MAP3K7CL: variants seen among roughly 807,000 people sequenced by gnomAD.
MAP3K7CL encodes the protein MAP3K7 C-terminal-like protein.
In MAP3K7CL, 16 loss-of-function variants were observed where a neutral mutation model predicts 18.6. The ratio of observed to expected loss-of-function variants is 0.86; its 90% CI spans 0.58 to 1.31. MAP3K7CL has a LOEUF of 1.31. Ranked by LOEUF, MAP3K7CL falls within the 50% of genes most tolerant of loss-of-function variation. The probability of loss-of-function intolerance (pLI) is 0.00; values close to 1 mark genes in which losing one functional copy is unlikely to be tolerated. For missense variants in MAP3K7CL, 163 were observed against 174.4 expected (o/e 0.93, Z 0.37); for synonymous variants, 65 against 66.8 (o/e 0.97, Z 0.13).
chr21:29,165,470 T>C (rs2146746874), intron 4 of MAP3K7CL, among the ~76,000 whole-genome samples: 1 of 152,354 alleles, frequency 6.6e-6, no homozygotes, highest in Admixed American at 6.5e-5. Context: ...GTATATTCTT[T>C]TATTCCTCAC....
At position 29,114,778 on chromosome 21, in the gene MAP3K7CL, G is replaced by A. The variant is rs147449092; in HGVS notation, c.370+22197G>A. Among the ~76,000 whole-genome samples, 808 of 152,318 alleles carry A rather than the reference G, an allele frequency of 5.3e-3. 7 individuals are homozygous for A. The highest frequency in any genetic ancestry group is 0.019 in the African/African-American group (771 of 41,562). Reference sequence around the variant, plus strand: ...ATAATAAACTCTCAGAGACTGTAGGGTGTAGACCAGGCCCTGGATTAATGG... The same window carrying A: ...ATAATAAACTCTCAGAGACTGTAGGATGTAGACCAGGCCCTGGATTAATGG... On this transcript the variant is annotated intron_variant, in intron 4 of 6. Coordinates refer to the MAP3K7CL transcript ENST00000286791.
At position 29,130,818 on chromosome 21, in the gene MAP3K7CL, A is replaced by G; in HGVS notation, c.-145A>G. ...AGATTGTCAGTGGCTGCTATGCAGCAGGTGCAGCCTGGTCTCTCACTGAGT... is the reference window on the plus strand; with the variant it reads ...AGATTGTCAGTGGCTGCTATGCAGCGGGTGCAGCCTGGTCTCTCACTGAGT... On this transcript the variant is annotated 5_prime_UTR_variant, in exon 1 of 5. Transcript: ENST00000399928. 4 of 985,570 alleles carry G rather than the reference A, an allele frequency of 4.1e-6. No individual in the cohort carries two copies. The highest frequency in any genetic ancestry group is 4.8e-6 in the Non-Finnish European group (4 of 830,028). 61.1% of individuals were successfully genotyped at this position (985,570 alleles called of 1,614,324 possible).
Position 29,148,675 on chromosome 21 carries a change from C to G in MAP3K7CL, c.71-514C>G, listed in dbSNP as rs1039206876. 5.9e-5 allele frequency among the ~76,000 whole-genome samples: 9 copies of G among 152,168 alleles called. No individual in the cohort carries two copies. In the South Asian group the frequency reaches 1.0e-3, roughly 17 times the overall value. Reference sequence around the variant, plus strand: ...CATTTGGGTTGCTGCCTGCTTCTCACTGTAACCCAGAATGAGTTTCTGGTT... The same window carrying G: ...CATTTGGGTTGCTGCCTGCTTCTCAGTGTAACCCAGAATGAGTTTCTGGTT... On this transcript the variant is annotated intron_variant, in intron 2 of 4. Transcript: ENST00000399928.
intron 4 of MAP3K7CL, among the ~76,000 whole-genome samples, chr21:29,170,886 G>A (rs554744296): frequency 5.3e-5 from 8 of 150,704 alleles, no homozygotes; most frequent in South Asian, 2.1e-4. Context: ...TGATCTGCCC[G>A]CCTCGGCCTC....
At chr21:29,133,123 A>C (rs552255675) in intron 1 of MAP3K7CL, among the ~76,000 whole-genome samples, 183 bp from the exon 2 acceptor site, 1 of 152,342 alleles carries the variant, frequency 6.6e-6, no homozygotes, top group Admixed American at 6.5e-5. Context: ...CCAAGAAAAA[A>C]AGATTTAAAT....
intron 4 of MAP3K7CL, among the ~76,000 whole-genome samples, chr21:29,163,812 C>T (rs1275492034): frequency 6.6e-6 from 1 of 151,646 alleles, no homozygotes. Context: ...TCTCCCACCT[C>T]AGCCTCTTGA....
intron 4 of MAP3K7CL, among the ~76,000 whole-genome samples, chr21:29,170,535 A>T (rs958082169): frequency 1.3e-5 from 2 of 152,220 alleles, no homozygotes; most frequent in African/African-American, 4.8e-5. Context: ...AAGTCCACCT[A>T]AATCATTTAT....
At chr21:29,081,109 A>G (rs1227228946), upstream of MAP3K7CL, among the ~76,000 whole-genome samples, 3 of 152,204 alleles carry the variant, frequency 2.0e-5, no homozygotes, top group East Asian at 1.9e-4. Context: ...GTATCTAGAA[A>G]TACAAGAGGG....
At chr21:29,098,035 A>T (rs540868448) in intron 4 of MAP3K7CL, among the ~76,000 whole-genome samples, 30 of 152,324 alleles carry the variant, frequency 2.0e-4, no homozygotes, top group African/African-American at 7.2e-4. Flanking sequence ...ATAATTAAAT[A>T]AAATAAAAAA....
intron 4 of MAP3K7CL, among the ~76,000 whole-genome samples, chr21:29,169,662 T>C (rs761783131): frequency 3.9e-5 from 6 of 152,202 alleles, no homozygotes; most frequent in Non-Finnish European, 7.3e-5. Flanking sequence ...AGATCCCTTG[T>C]AGTGGTCTCC....
chr21:29,132,605 G>A (rs2086800557), intron 1 of MAP3K7CL, among the ~76,000 whole-genome samples: 1 of 152,126 alleles, frequency 6.6e-6, no homozygotes, highest in South Asian at 2.1e-4. Context: ...TGCCTCCCGG[G>A]TTCAAGCGAT....
chr21:29,081,234 A>G (rs1440045770), upstream of MAP3K7CL, among the ~76,000 whole-genome samples: 3 of 152,194 alleles, frequency 2.0e-5, no homozygotes, highest in South Asian at 2.1e-4. Flanking sequence ...AATTACCTGG[A>G]GGAGGTTTTC....
At chr21:29,116,712 G>A (rs1012886224) in intron 4 of MAP3K7CL, among the ~76,000 whole-genome samples, 2 of 152,068 alleles carry the variant, frequency 1.3e-5, no homozygotes, top group African/African-American at 4.8e-5. Context: ...CTGAATTTCA[G>A]AATCTAAATT....
At chr21:29,087,913 C>G (rs2085955883) in intron 1 of MAP3K7CL, among the ~76,000 whole-genome samples, 1 of 152,004 alleles carries the variant, frequency 6.6e-6, no homozygotes, top group Non-Finnish European at 1.5e-5. Context: ...TCTTAATGAT[C>G]ATGCTATACA....
At chr21:29,160,923 A>G (rs930119997) in intron 4 of MAP3K7CL, among the ~76,000 whole-genome samples, 2 of 152,238 alleles carry the variant, frequency 1.3e-5, no homozygotes, top group Admixed American at 6.5e-5. Flanking sequence ...ACACAAACAT[A>G]TTGTGATTCT....
intron 4 of MAP3K7CL, among the ~76,000 whole-genome samples, chr21:29,167,458 G>A (rs1186601717): frequency 6.6e-6 from 1 of 152,070 alleles, no homozygotes; most frequent in African/African-American, 2.4e-5. Context: ...AATTTGCAAA[G>A]GCATAAATTA....
rs145988056 is a variant in MAP3K7CL, at chr21:29,087,836, G to A, written c.57+1919G>A. On this transcript the variant is annotated intron_variant, in intron 1 of 6. Transcript: ENST00000286791. The stretch of plus-strand genomic sequence containing the variant: ...TCTCGATCTCCTGACCTCGTGATCC[G>A]CCCACCTCGGCCTCCCAAAGTGCTG... Among the ~76,000 whole-genome samples the A allele has an allele frequency of 8.1e-3, 1,226 of 151,836 alleles. 15 individuals are homozygous for A. Among genetic ancestry groups the A allele is most frequent in the African/African-American group, 0.028 (1,145 of 41,430 alleles).
At chr21:29,163,563 A>G (rs985011161) in intron 4 of MAP3K7CL, among the ~76,000 whole-genome samples, 2 of 152,166 alleles carry the variant, frequency 1.3e-5, no homozygotes, top group African/African-American at 4.8e-5. Context: ...GAACCTCTGT[A>G]GAACTTCCAA....
chr21:29,134,049 C>T lies in MAP3K7CL; in HGVS notation c.70+635C>T, dbSNP rs372422417. Among the ~76,000 whole-genome samples, 55 of 152,304 alleles carry T rather than the reference C, an allele frequency of 3.6e-4. No homozygotes were observed. In the South Asian group the frequency reaches 0.011, roughly 30 times the overall value. On this transcript the variant is annotated intron_variant, in intron 2 of 4. Transcript: ENST00000399928. The stretch of plus-strand genomic sequence containing the variant: ...AAAGACCTCATGTGGCGGGAGGTCA[C>T]GGTGCTGAGGAAAGGAAGGCTTGGC...
Sources: allele counts gnomAD v4.1 joint callset (sites outside exome capture counted in the v4.1 genomes callset), GRCh38; gene constraint gnomAD v4.1.1; transcripts MANE v1.5; gene names NCBI Gene and HGNC (gene_info 2026-07-23, HGNC 2026-07-21).